SPHKAP: variants seen among roughly 807,000 people sequenced by gnomAD.
The protein encoded by SPHKAP is A-kinase anchor protein SPHKAP.
Under a neutral mutation model 137.5 loss-of-function variants are expected in SPHKAP, and 67 were observed. The observed-to-expected ratio is 0.49, with a 90% confidence interval of 0.40 to 0.60. The LOEUF (loss-of-function observed/expected upper bound fraction) is 0.60, where lower values mean the gene tolerates loss of function less well. Among genes scored for constraint, SPHKAP ranks in the 20% least tolerant of loss-of-function variants. SPHKAP has a pLI of 0.00. For missense variants in SPHKAP, 2,097 were observed against 2,069.3 expected, an observed-to-expected ratio of 1.01 and a Z score of -0.26; for synonymous variants, 813 against 785.3, an observed-to-expected ratio of 1.04 and a Z score of -0.59.
chr2:228,172,501 G>C (rs1055942141), intron 1 of SPHKAP, among the ~76,000 whole-genome samples: 1 of 152,108 alleles, frequency 6.6e-6, no homozygotes, highest in African/African-American at 2.4e-5. Context: ...AGTGATAAGG[G>C]TCTTTGGAAG....
At position 227,991,262 on chromosome 2, in the gene SPHKAP, A is replaced by T; in HGVS notation, c.4774+12T>A. 1 of 1,614,196 alleles carries T rather than the reference A, an allele frequency of 6.2e-7. No individual in the cohort carries two copies. Among genetic ancestry groups the T allele is most frequent in the Non-Finnish European group, 8.5e-7 (1 of 1,180,016 alleles). ...GGCAATTGTGTGTCAAAAGTATGGG[A>T]AGGTGGCTTACCCTCTGTGCTTTCT... On this transcript the variant is annotated intron_variant, in intron 10 of 11. Coordinates refer to ENST00000392056, the MANE Select transcript of SPHKAP (RefSeq NM_001142644.2).
At chr2:228,178,173 A>G (rs921778080) in intron 1 of SPHKAP, among the ~76,000 whole-genome samples, 39 of 152,232 alleles carry the variant, frequency 2.6e-4, no homozygotes, top group African/African-American at 9.4e-4. Context: ...TCCATTTAAA[A>G]TAAAGTATGG....
At chr2:228,113,489 G>A (rs912787576) in intron 2 of SPHKAP, among the ~76,000 whole-genome samples, 72 of 152,170 alleles carry the variant, frequency 4.7e-4, no homozygotes, top group African/African-American at 1.7e-3. Context: ...TTTGCAGAAC[G>A]AGAATTTCAG....
chr2:228,161,671 A>G (rs529687283), intron 1 of SPHKAP, among the ~76,000 whole-genome samples: 2 of 151,684 alleles, frequency 1.3e-5, no homozygotes, highest in East Asian at 3.9e-4. Context: ...ACAAACCTGC[A>G]TGTCCTGCAC....
intron 3 of SPHKAP, among the ~76,000 whole-genome samples, chr2:228,029,961 T>A (rs1343524092): frequency 2.0e-5 from 3 of 152,118 alleles, no homozygotes; most frequent in Non-Finnish European, 4.4e-5. Flanking sequence ...TAGTAGCAAT[T>A]TGTCTGCCCT....
chr2:228,094,625 C>A (rs139813270), intron 3 of SPHKAP, among the ~76,000 whole-genome samples: 1 of 152,194 alleles, frequency 6.6e-6, no homozygotes, highest in Non-Finnish European at 1.5e-5. Flanking sequence ...TTTTGCGTGC[C>A]GTTTAAAAAA....
At chr2:228,144,273 A>G (rs1232202320) in intron 1 of SPHKAP, among the ~76,000 whole-genome samples, 1 of 152,018 alleles carries the variant, frequency 6.6e-6, no homozygotes, top group African/African-American at 2.4e-5. Context: ...TCCTGTGTTT[A>G]TTATTTATTT....
intron 1 of SPHKAP, 60 bp from the exon 2 acceptor site, chr2:228,132,145 AAAT>A (rs1265369870): frequency 1.5e-6 from 2 of 1,364,162 alleles, no homozygotes; most frequent in Non-Finnish European, 2.1e-6. Context: ...ATTTGGAAAT[AAAT>A]AATAAGTAAA....
rs146277694 is a variant in SPHKAP, at chr2:228,121,991, A to G, written c.138+9989T>C. On this transcript the variant is annotated intron_variant, in intron 2 of 11. Coordinates refer to ENST00000392056, the MANE Select transcript of SPHKAP (RefSeq NM_001142644.2). ...GCTGGGAACTTTTCTTAGAGGAGGG[A>G]CTGAAAGAAAACAGAGGAGACCTTG... is the stretch of plus-strand genomic sequence containing the variant. 8.8e-3 allele frequency among the ~76,000 whole-genome samples: 1,332 copies of G among 151,998 alleles called. 9 individuals carry two copies. The highest frequency in any genetic ancestry group is 0.031 in the African/African-American group (1,271 of 41,534).
intron 1 of SPHKAP, among the ~76,000 whole-genome samples, chr2:228,174,407 C>T (rs1294410854): frequency 1.3e-5 from 2 of 151,742 alleles, no homozygotes; most frequent in East Asian, 1.9e-4. Flanking sequence ...TGAAGGACTC[C>T]GGAGTGGAAA....
intron 2 of SPHKAP, chr2:228,131,313 C>T (rs1008048262): frequency 1.4e-5 from 14 of 985,020 alleles, no homozygotes; most frequent in African/African-American, 1.7e-5. Context: ...ACATATACTT[C>T]CCTGGAATTC....
At chr2:228,156,255 G>A (rs937904761) in intron 1 of SPHKAP, among the ~76,000 whole-genome samples, 1 of 152,128 alleles carries the variant, frequency 6.6e-6, no homozygotes, top group Non-Finnish European at 1.5e-5. Flanking sequence ...TTTTATTAGT[G>A]TTCCTAATGT....
chr2:228,108,725 C>G, intron 3 of SPHKAP, 107 bp downstream of exon 3: 1 of 725,064 alleles, frequency 1.4e-6, no homozygotes, highest in Non-Finnish European at 2.3e-6. Context: ...GGAATATTTT[C>G]TCAACTTGGT....
chr2:228,034,180 A>G (rs1695476825), intron 3 of SPHKAP, among the ~76,000 whole-genome samples: 1 of 152,220 alleles, frequency 6.6e-6, no homozygotes, highest in Non-Finnish European at 1.5e-5. Context: ...AGATGCAATA[A>G]AAAATGATAA....
At chr2:228,165,252 C>T (rs923013382) in intron 1 of SPHKAP, among the ~76,000 whole-genome samples, 2 of 152,016 alleles carry the variant, frequency 1.3e-5, no homozygotes, top group Non-Finnish European at 2.9e-5. Flanking sequence ...ATCCATTTCC[C>T]CAAAGTCCTG....
chr2:228,056,454 G>A (rs940049324), intron 3 of SPHKAP, among the ~76,000 whole-genome samples: 11 of 152,124 alleles, frequency 7.2e-5, no homozygotes, highest in East Asian at 5.8e-4. Context: ...TGGTGAAGTC[G>A]TGGCATAACC....
At chr2:227,996,644 A>T (rs779063142) in intron 7 of SPHKAP, among the ~76,000 whole-genome samples, 29 of 152,262 alleles carry the variant, frequency 1.9e-4, no homozygotes, top group Non-Finnish European at 3.5e-4. Context: ...TATCTCATTA[A>T]CATCTCAAAA....
At chr2:228,031,619 G>C (rs889793049) in intron 3 of SPHKAP, among the ~76,000 whole-genome samples, 1 of 152,208 alleles carries the variant, frequency 6.6e-6, no homozygotes, top group Non-Finnish European at 1.5e-5. Context: ...GCACCCCCCA[G>C]TAGGAGCAGA....
At chr2:228,108,783 C>A (rs1343724819) in intron 3 of SPHKAP, 49 bp downstream of exon 3, 1 of 1,380,212 alleles carries the variant, frequency 7.2e-7, no homozygotes, top group Non-Finnish European at 1.0e-6. Flanking sequence ...GTACATGTGC[C>A]CGCTTCCCTG....
Sources: allele counts gnomAD v4.1 joint callset (sites outside exome capture counted in the v4.1 genomes callset), GRCh38; gene constraint gnomAD v4.1.1; transcripts MANE v1.5; gene names NCBI Gene and HGNC (gene_info 2026-07-23, HGNC 2026-07-21).